The following ADARB2 variants were observed in gnomAD, a reference collection of about 807,000 sequenced individuals.
ADARB2 encodes the protein adenosine deaminase RNA specific B2 (inactive).
ADARB2 carries 25 observed loss-of-function variants against 62.2 expected under a neutral mutation model. The ratio of observed to expected loss-of-function variants is 0.40; its 90% confidence interval spans 0.29 to 0.56. The LOEUF (loss-of-function observed/expected upper bound fraction) is 0.56, where lower values mean the gene tolerates loss of function less well. Among genes scored for constraint, ADARB2 ranks in the 20% least tolerant of loss-of-function variants. The pLI is 0.43. For missense variants in ADARB2, 1,071 were observed against 1,077.4 expected, an observed-to-expected ratio of 0.99 and a Z score of 0.08; for synonymous variants, 572 against 500.8, an observed-to-expected ratio of 1.14 and a Z score of -1.90.
chr10:1,577,993 C>A (rs930689827), intron 1 of ADARB2, among the ~76,000 whole-genome samples: 1 of 152,196 alleles, frequency 6.6e-6, no homozygotes, highest in Non-Finnish European at 1.5e-5. Context: ...GCAGAGCCAG[C>A]CCTGTGGACA....
intron 3 of ADARB2, among the ~76,000 whole-genome samples, chr10:1,355,335 C>A (rs569753787): frequency 1.3e-5 from 2 of 152,198 alleles, no homozygotes. Flanking sequence ...AGGATGAGCC[C>A]CAGCCCCACA....
At chr10:1,374,402 C>T (rs1043515339) in intron 2 of ADARB2, among the ~76,000 whole-genome samples, 35 of 152,166 alleles carry the variant, frequency 2.3e-4, no homozygotes, top group African/African-American at 8.5e-4. Flanking sequence ...ATACGGTGTC[C>T]GGAATGTGGT....
chr10:1,347,715 C>A (rs760175316), intron 3 of ADARB2, among the ~76,000 whole-genome samples: 1 of 152,194 alleles, frequency 6.6e-6, no homozygotes, highest in Non-Finnish European at 1.5e-5. Flanking sequence ...CCATCAACGC[C>A]TCCCGACAGC....
intron 4 of ADARB2, 78 bp downstream of exon 4, chr10:1,270,877 G>A (rs1831254730): frequency 1.6e-6 from 2 of 1,251,668 alleles, no homozygotes; most frequent in Non-Finnish European, 2.3e-6. Flanking sequence ...AGAGCCTTTT[G>A]GCCTCCAAGA....
chr10:1,472,623 G>T (rs1448547598), intron 1 of ADARB2, among the ~76,000 whole-genome samples: 2 of 152,226 alleles, frequency 1.3e-5, no homozygotes, highest in African/African-American at 4.8e-5. Context: ...GCAGCCTCCT[G>T]GTCTCACAAT....
At chr10:1,258,345 T>G (rs1831099886) in intron 4 of ADARB2, among the ~76,000 whole-genome samples, 1 of 152,116 alleles carries the variant, frequency 6.6e-6, no homozygotes, top group African/African-American at 2.4e-5. Flanking sequence ...AATGCTCCAA[T>G]TAAAAGGCAC....
At chr10:1,437,720 C>T (rs181833476) in intron 1 of ADARB2, among the ~76,000 whole-genome samples, 250 of 151,122 alleles carry the variant, frequency 1.7e-3, no homozygotes, top group Non-Finnish European at 2.4e-3. Context: ...GTTTGGACAG[C>T]GATAGCGGGT....
At chr10:1,575,537 C>T (rs567890411) in intron 1 of ADARB2, among the ~76,000 whole-genome samples, 3 of 152,242 alleles carry the variant, frequency 2.0e-5, no homozygotes, top group Non-Finnish European at 4.4e-5. Context: ...CAGAGGGGCC[C>T]TGGAGCCCCT....
intron 7 of ADARB2, chr10:1,216,738 GCCTT>G: frequency 1.5e-6 from 1 of 652,830 alleles, no homozygotes; most frequent in Non-Finnish European, 2.5e-6. Flanking sequence ...GGGTGGCAGG[GCCTT>G]GCTCCCTCAG....
chr10:1,363,305 G>T lies in ADARB2; in HGVS notation c.800C>A (p.Thr267Asn). The change falls in exon 3 of 10, where the codon ACC (threonine) becomes AAC (asparagine). Residue 267 changes from threonine to asparagine, a missense_variant. By Grantham distance (65) the Thr-to-Asn change is moderately conservative. Coordinates refer to ENST00000381312, the MANE Select transcript of ADARB2 (RefSeq NM_018702.4). ...GCCCGGGGCCGCGGGGGTGGCGGGG[G>T]TCGGGCCCACCAGGTCCAGCGCGCG... ...LCRALDLVGPTPATPAAPGER... is the reference protein window; with the variant it reads ...LCRALDLVGPNPATPAAPGER... The T allele has an allele frequency of 8.1e-7, 1 of 1,232,208 alleles. No homozygotes were observed. The allele number at this position is 1,232,208 out of a possible 1,614,324, so 76.3% of individuals were successfully genotyped here.
chr10:1,231,595 T>C (rs910627224), intron 6 of ADARB2, among the ~76,000 whole-genome samples: 8 of 152,268 alleles, frequency 5.3e-5, no homozygotes, highest in Admixed American at 2.6e-4. Flanking sequence ...TGCCTCTCTC[T>C]CCCTACTGCA....
Position 1,343,074 on chromosome 10 carries a change from T to C in ADARB2, c.1077+19954A>G, listed in dbSNP as rs182187393. ...AAGAATGGAGCATAAAAGACAGATC[T>C]AGGGTGAAGAGAAATGAGATCTATA... On this transcript the variant is annotated intron_variant, in intron 3 of 9. Transcript: ENST00000381312. Among the ~76,000 whole-genome samples the C allele has an allele frequency of 1.1e-3, 168 of 152,230 alleles. 3 individuals are homozygous for C. Among genetic ancestry groups the C allele is most frequent in the Admixed American group, 3.3e-3 (50 of 15,296 alleles).
chr10:1,686,930 T>C lies in ADARB2; in HGVS notation c.100+50121A>G, dbSNP rs888397263. ...AGTCTAAAATGAAGAAATTACATTTTTTTTAACACGTTATTTGTATCCTAT... is the reference window on the plus strand; with the variant it reads ...AGTCTAAAATGAAGAAATTACATTTCTTTTAACACGTTATTTGTATCCTAT... On this transcript the variant is annotated intron_variant, in intron 1 of 9. Transcript: ENST00000381312. Among the ~76,000 whole-genome samples, 73 of 152,292 alleles carry C rather than the reference T, an allele frequency of 4.8e-4. 1 individual carries two copies. Among genetic ancestry groups the C allele is most frequent in the Non-Finnish European group, 2.8e-4 (19 of 68,020 alleles).
At chr10:1,422,428 G>T (rs1209101434) in intron 1 of ADARB2, among the ~76,000 whole-genome samples, 1 of 152,196 alleles carries the variant, frequency 6.6e-6, no homozygotes, top group Non-Finnish European at 1.5e-5. Flanking sequence ...GACCGGGGCT[G>T]CAGGTGAGGG....
chr10:1,291,214 G>A (rs1429770680), intron 3 of ADARB2: 1 of 152,240 alleles, frequency 6.6e-6, no homozygotes, highest in East Asian at 1.9e-4. Context: ...TCACCAGGGA[G>A]GCTGATGTTA....
At chr10:1,714,849 G>A (rs1031210532) in intron 1 of ADARB2, among the ~76,000 whole-genome samples, 3 of 152,312 alleles carry the variant, frequency 2.0e-5, no homozygotes, top group Middle Eastern at 3.4e-3. Flanking sequence ...TTAACAAGGG[G>A]CTATTTTTTA....
chr10:1,297,848 G>A (rs1006217542), intron 3 of ADARB2, among the ~76,000 whole-genome samples: 9 of 152,212 alleles, frequency 5.9e-5, no homozygotes, highest in African/African-American at 1.4e-4. Flanking sequence ...GCAGCCCGGG[G>A]CAGAGGATCC....
intron 1 of ADARB2, among the ~76,000 whole-genome samples, chr10:1,415,798 T>C (rs1419346446): frequency 1.3e-5 from 2 of 152,260 alleles, no homozygotes; most frequent in East Asian, 3.8e-4. Flanking sequence ...TATCATCTTA[T>C]GTGAAAAATT....
At chr10:1,220,231 A>G (rs371495685) in intron 6 of ADARB2, among the ~76,000 whole-genome samples, 221 of 113,746 alleles carry the variant, frequency 1.9e-3, no homozygotes, top group African/African-American at 6.0e-3. Flanking sequence ...GATGGTGATG[A>G]TGGTGGTGAT....
Sources: allele counts gnomAD v4.1 joint callset (sites outside exome capture counted in the v4.1 genomes callset), GRCh38; gene constraint gnomAD v4.1.1; transcripts MANE v1.5; gene names NCBI Gene and HGNC (gene_info 2026-07-23, HGNC 2026-07-21).